IKZF2: variants seen among roughly 807,000 people sequenced by gnomAD.
The protein encoded by IKZF2 is zinc finger protein Helios.
Under a neutral mutation model 49.2 loss-of-function variants are expected in IKZF2, and 15 were observed. The ratio of observed to expected loss-of-function variants is 0.30; its 90% CI spans 0.20 to 0.47. The LOEUF is 0.47. Ranked by LOEUF, IKZF2 falls within the 20% of genes least tolerant of loss-of-function variation. The pLI is 1.00. For missense variants in IKZF2, 567 were observed against 664.6 expected, an observed-to-expected ratio of 0.85 and a Z score of 1.61; for synonymous variants, 227 against 221.4, an observed-to-expected ratio of 1.03 and a Z score of -0.23.
intron 6 of IKZF2, among the ~76,000 whole-genome samples, chr2:213,036,080 G>A (rs1698993026): frequency 6.6e-6 from 1 of 151,934 alleles, no homozygotes; most frequent in Non-Finnish European, 1.5e-5. Context: ...GATTTATTTT[G>A]TTCTAAGCTG....
intron 4 of IKZF2, among the ~76,000 whole-genome samples, chr2:213,105,681 A>C (rs1209079017): frequency 2.0e-5 from 3 of 152,162 alleles, no homozygotes; most frequent in Non-Finnish European, 2.9e-5. Flanking sequence ...AAATCAAAAC[A>C]CAAGTGCAAA....
At position 213,127,860 on chromosome 2, in the gene IKZF2, T is replaced by C. The variant is rs954923275; in HGVS notation, c.139+19848A>G. Among the ~76,000 whole-genome samples the C allele has an allele frequency of 2.0e-5, 3 of 152,314 alleles. No homozygotes were observed. The East Asian group carries it at 5.8e-4, about 29-fold the overall frequency. ...GAATACATGTATTTCCAAAATATCC[T>C]AGGAACTAAAGAAATTAGATTTGAT... On this transcript the variant is annotated intron_variant, in intron 4 of 8. Coordinates refer to ENST00000434687, the MANE Select transcript of IKZF2 (RefSeq NM_001387220.1).
chr2:213,100,436 G>T (rs1339346630), intron 4 of IKZF2, among the ~76,000 whole-genome samples: 1 of 151,820 alleles, frequency 6.6e-6, no homozygotes, highest in Non-Finnish European at 1.5e-5. Flanking sequence ...CCTTATTAAT[G>T]GTGTTTCACT....
intron 4 of IKZF2, among the ~76,000 whole-genome samples, chr2:213,070,030 C>T (rs945788548): frequency 6.6e-6 from 1 of 152,044 alleles, no homozygotes; most frequent in Admixed American, 6.6e-5. Flanking sequence ...CCATTATTTT[C>T]ATGCATTTTG....
chr2:213,054,074 T>C (rs1700925359), intron 5 of IKZF2, among the ~76,000 whole-genome samples: 1 of 152,048 alleles, frequency 6.6e-6, no homozygotes, highest in Admixed American at 6.6e-5. Flanking sequence ...TGAAACCCTG[T>C]CTCTACTAAA....
At chr2:213,115,428 T>G (rs1488025974) in intron 4 of IKZF2, among the ~76,000 whole-genome samples, 1 of 152,346 alleles carries the variant, frequency 6.6e-6, no homozygotes, top group Non-Finnish European at 1.5e-5. Context: ...TTTATCTCTC[T>G]GCCACCCTGG....
At chr2:213,035,732 T>A (rs975809487) in intron 6 of IKZF2, among the ~76,000 whole-genome samples, 3 of 152,174 alleles carry the variant, frequency 2.0e-5, no homozygotes, top group African/African-American at 7.2e-5. Flanking sequence ...ACAGTAGAAG[T>A]GGGCAGAACC....
intron 6 of IKZF2, among the ~76,000 whole-genome samples, chr2:213,022,936 TA>T (rs574578865): frequency 2.4e-4 from 37 of 151,906 alleles, no homozygotes; most frequent in Admixed American, 9.8e-4. Context: ...GATGTTCAGT[TA>T]AAAAAAACCT....
intron 2 of IKZF2, among the ~76,000 whole-genome samples, chr2:213,149,783 C>T (rs559952112): frequency 1.7e-4 from 22 of 131,214 alleles, no homozygotes; most frequent in African/African-American, 5.9e-4. Flanking sequence ...CCTTACCCCC[C>T]CCCCAAAAAA....
intron 4 of IKZF2, among the ~76,000 whole-genome samples, chr2:213,058,673 A>G (rs931137318): frequency 2.0e-5 from 3 of 151,898 alleles, no homozygotes; most frequent in African/African-American, 7.2e-5. Flanking sequence ...ACAGTATTTT[A>G]TCCATCTTTA....
chr2:213,087,913 C>T (rs530692768), intron 4 of IKZF2, among the ~76,000 whole-genome samples: 1 of 152,190 alleles, frequency 6.6e-6, no homozygotes, highest in East Asian at 1.9e-4. Flanking sequence ...CACTGATGGA[C>T]ATTTGGGTTG....
intron 8 of IKZF2, 125 bp downstream of exon 8, chr2:213,013,665 TG>T: frequency 1.2e-6 from 1 of 823,086 alleles, no homozygotes; most frequent in Non-Finnish European, 1.9e-6. Context: ...AAAAGAATAA[TG>T]AAGAAAAGAG....
chr2:213,087,203 C>T (rs1393388606), intron 4 of IKZF2, among the ~76,000 whole-genome samples: 1 of 152,018 alleles, frequency 6.6e-6, no homozygotes, highest in Non-Finnish European at 1.5e-5. Context: ...AAAAAAAATG[C>T]TAATTTAAAC....
In IKZF2 at chr2:213,057,003, C is replaced by A; in HGVS notation, c.236G>T (p.Ser79Ile). Residue 79 changes from serine to isoleucine, a missense_variant, in exon 5 of 9, where the codon AGC becomes ATC. Physicochemically the swap from Ser to Ile is moderately radical, Grantham distance 142. This residue lies in a region of IKZF2 where 156 missense variants were observed against 138.5 expected (regional missense o/e 1.13). Coordinates refer to ENST00000434687, the MANE Select transcript of IKZF2 (RefSeq NM_001387220.1). ...GCTCTCAATTAGGGGTTCTTCTAGG[C>A]TGCTACCCTCATCATGGCCCCTGAT... is the stretch of plus-strand genomic sequence containing the variant. ...DEIRGHDEGS[S>I]LEEPLIESSE... 1 of 1,613,932 alleles carries A rather than the reference C, an allele frequency of 6.2e-7. No homozygotes were observed. Among genetic ancestry groups the A allele is most frequent in the Non-Finnish European group, 8.5e-7 (1 of 1,179,902 alleles).
intron 4 of IKZF2, among the ~76,000 whole-genome samples, chr2:213,146,759 C>CGGAGGG (rs1553604931): frequency 4.6e-5 from 4 of 87,166 alleles, no homozygotes; most frequent in African/African-American, 1.2e-4. Context: ...ATTAAATCTT[C>CGGAGGG]GGGGGGGGGG....
At chr2:213,079,490 A>C (rs1703676181) in intron 4 of IKZF2, among the ~76,000 whole-genome samples, 2 of 148,872 alleles carry the variant, frequency 1.3e-5, no homozygotes, top group African/African-American at 5.1e-5. Flanking sequence ...AGAGAGAAAA[A>C]AAGAAAGAGA....
At chr2:213,136,398 G>GAAAAAAAAAAAAAAAAAAA (rs2060675738) in intron 4 of IKZF2, among the ~76,000 whole-genome samples, 1 of 104,076 alleles carries the variant, frequency 9.6e-6, no homozygotes, top group Non-Finnish European at 2.2e-5. Flanking sequence ...AAAAGAAAAA[G>GAAAAAAAAAAAAAAAAAAA]AAAAAGAAAA....
intron 4 of IKZF2, among the ~76,000 whole-genome samples, chr2:213,087,663 C>A (rs1009810480): frequency 2.6e-5 from 4 of 152,092 alleles, no homozygotes; most frequent in Non-Finnish European, 5.9e-5. Context: ...CCCTGCACCC[C>A]ATGACAGGCC....
At chr2:213,136,048 CA>C (rs534093528) in intron 4 of IKZF2, among the ~76,000 whole-genome samples, 202 of 105,326 alleles carry the variant, frequency 1.9e-3, no homozygotes, top group Non-Finnish European at 2.5e-3. Flanking sequence ...GACTCCGTTT[CA>C]AAAAAAAAAA....
Sources: gnomAD v4.1 joint callset for allele counts (sites outside exome capture counted in the v4.1 genomes callset) on GRCh38, gnomAD v4.1.1 for gene constraint, gnomAD v4.1.1 regional missense constraint, MANE v1.5 for transcripts, NCBI Gene and HGNC (gene_info 2026-07-23, HGNC 2026-07-21) for gene names.